PPP6C: variants seen among roughly 807,000 people sequenced by gnomAD.
PPP6C encodes serine/threonine-protein phosphatase 6 catalytic subunit.
Under a neutral mutation model 39.8 loss-of-function variants are expected in PPP6C, and 11 were observed. That is an observed-to-expected ratio of 0.28 (90% confidence interval 0.17 to 0.46). The LOEUF (loss-of-function observed/expected upper bound fraction) is 0.46. Among genes scored for constraint, PPP6C ranks in the 20% least tolerant of loss-of-function variants. PPP6C has a pLI of 1.00. For missense variants in PPP6C, 211 were observed against 373.9 expected, an observed-to-expected ratio of 0.56 and a Z score of 3.59; for synonymous variants, 129 against 130.3, an observed-to-expected ratio of 0.99 and a Z score of 0.07.
At chr9:125,173,404 CAAAA>C (rs1157793278) in intron 1 of PPP6C, among the ~76,000 whole-genome samples, 3 of 50,748 alleles carry the variant, frequency 5.9e-5, no homozygotes, top group Admixed American at 2.9e-4. Flanking sequence ...GACTCCCTCT[CAAAA>C]AAAAAAAAAA....
intron 1 of PPP6C, among the ~76,000 whole-genome samples, chr9:125,184,978 A>C (rs932296721): frequency 2.0e-5 from 3 of 151,620 alleles, no homozygotes; most frequent in African/African-American, 7.3e-5. Context: ...AAAAAAAAAA[A>C]AAAAAAAAAA....
intron 6 of PPP6C, among the ~76,000 whole-genome samples, chr9:125,152,939 C>G (rs1835987144): frequency 6.6e-6 from 1 of 150,650 alleles, no homozygotes; most frequent in African/African-American, 2.4e-5. Context: ...TATTGCCTAT[C>G]TTGGTCTTGC....
chr9:125,147,694 C>T lies in PPP6C; in HGVS notation c.*1979G>A, dbSNP rs566510978. On this transcript the variant is annotated 3_prime_UTR_variant, in exon 7 of 7. Coordinates refer to ENST00000373547, the MANE Select transcript of PPP6C (RefSeq NM_002721.5). ...AGTCACATTATAGGGATAACAAAAA[C>T]AACTACATCAATCTAAGCTAAGGAG... is the stretch of plus-strand genomic sequence containing the variant. 6.6e-6 allele frequency: 1 copy of T among 152,068 alleles called. No individual in the cohort carries two copies. Among genetic ancestry groups the T allele is most frequent in the Admixed American group, 6.5e-5 (1 of 15,292 alleles). 9.4% of individuals were successfully genotyped at this position (152,068 alleles called of 1,614,324 possible). A position where few individuals can be genotyped will look rare whatever the true frequency, so the allele number is the denominator to read the frequency against.
rs755053598 is a variant in PPP6C, at chr9:125,153,549, G to C, written c.653C>G (p.Ala218Gly). ...SPRGAGWLFGAKVTNEFVHIN... is the reference protein window; with the variant it reads ...SPRGAGWLFGGKVTNEFVHIN... ...TGGCTTTACCTCATTTGTGACCTTTGCTCCAAAAAGCCAACCTGCTCCTCG... is the reference window on the plus strand; with the variant it reads ...TGGCTTTACCTCATTTGTGACCTTTCCTCCAAAAAGCCAACCTGCTCCTCG... Residue 218 changes from alanine (A) to glycine (G), a missense_variant, in exon 6 of 7, where the codon GCA becomes GGA. By Grantham distance (60) the Ala-to-Gly change is moderately conservative. This residue lies in a region of PPP6C where 168 missense variants were observed against 342.6 expected (regional missense o/e 0.49). Transcript: ENST00000373547. 1.4e-5 allele frequency: 23 copies of C among 1,613,828 alleles called. No homozygotes were observed. Among genetic ancestry groups the C allele is most frequent in the Non-Finnish European group, 1.6e-5 (19 of 1,179,980 alleles).
intron 1 of PPP6C, among the ~76,000 whole-genome samples, chr9:125,177,761 C>T (rs1370352569): frequency 1.3e-5 from 2 of 152,146 alleles, no homozygotes; most frequent in Non-Finnish European, 2.9e-5. Flanking sequence ...TGTATAATGA[C>T]ATGTACCTAC....
At position 125,147,029 on chromosome 9, in the gene PPP6C, T is replaced by C. The variant is rs1298552909; in HGVS notation, c.*2644A>G. ...TTAAGACGTCAAAATCTTCCAACAG[T>C]TCTAGACATCCAGACAGAATAGGAG... On this transcript the variant is annotated 3_prime_UTR_variant, in exon 7 of 7. Coordinates refer to ENST00000373547, the MANE Select transcript of PPP6C (RefSeq NM_002721.5). The C allele has an allele frequency of 6.6e-6, 1 of 152,186 alleles. No individual in the cohort carries two copies. Among genetic ancestry groups the C allele is most frequent in the Non-Finnish European group, 1.5e-5 (1 of 68,018 alleles). The allele number at this position is 152,186 out of a possible 1,614,324, so 9.4% of individuals were successfully genotyped here.
At chr9:125,171,054 A>G in intron 2 of PPP6C, 31 bp downstream of exon 2, 3 of 1,467,336 alleles carry the variant, frequency 2.0e-6, no homozygotes, top group Non-Finnish European at 2.8e-6. Context: ...TGGACAGTAC[A>G]AAACTTAAAA....
At chr9:125,157,834 G>T (rs897060836) in intron 4 of PPP6C, among the ~76,000 whole-genome samples, 1 of 151,912 alleles carries the variant, frequency 6.6e-6, no homozygotes, top group Non-Finnish European at 1.5e-5. Flanking sequence ...GGGATTACAT[G>T]CACACACCAC....
At chr9:125,177,940 T>C (rs1337536262) in intron 1 of PPP6C, among the ~76,000 whole-genome samples, 1 of 152,206 alleles carries the variant, frequency 6.6e-6, no homozygotes, top group Non-Finnish European at 1.5e-5. Flanking sequence ...CATTTAGTAA[T>C]ATGTATTTAA....
intron 2 of PPP6C, among the ~76,000 whole-genome samples, chr9:125,166,525 TTTTC>T (rs1829016447): frequency 7.6e-6 from 1 of 132,130 alleles, no homozygotes; most frequent in African/African-American, 3.0e-5. Context: ...TCACAAGTAT[TTTTC>T]TTTTTCTTTT....
chr9:125,166,732 C>T (rs185080217), intron 2 of PPP6C, among the ~76,000 whole-genome samples: 38 of 151,992 alleles, frequency 2.5e-4, no homozygotes, highest in Middle Eastern at 3.4e-3. Context: ...TGGGGTTTTG[C>T]CATGTTGGCC....
At chr9:125,150,886 C>G in intron 6 of PPP6C, 1 of 851,894 alleles carries the variant, frequency 1.2e-6, no homozygotes, top group Non-Finnish European at 2.0e-6. Context: ...TGCAAGACTG[C>G]TTCAGCGAGC....
intron 2 of PPP6C, among the ~76,000 whole-genome samples, chr9:125,163,357 A>G (rs1403783032): frequency 6.6e-6 from 1 of 152,252 alleles, no homozygotes; most frequent in Non-Finnish European, 1.5e-5. Context: ...TTTGTAAGTC[A>G]GTTTTTTAAT....
At chr9:125,174,534 T>G (rs1829252713) in intron 1 of PPP6C, among the ~76,000 whole-genome samples, 1 of 151,610 alleles carries the variant, frequency 6.6e-6, no homozygotes, top group Non-Finnish European at 1.5e-5. Flanking sequence ...CTCCTGTTTG[T>G]GTTGAATTTT....
intron 2 of PPP6C, among the ~76,000 whole-genome samples, chr9:125,166,979 A>T (rs1829030634): frequency 6.6e-6 from 1 of 152,104 alleles, no homozygotes; most frequent in Non-Finnish European, 1.5e-5. Context: ...AGCTGACTAT[A>T]GCCTCAAACT....
chr9:125,188,700 C>T (rs1829585988), intron 1 of PPP6C, among the ~76,000 whole-genome samples: 1 of 151,804 alleles, frequency 6.6e-6, no homozygotes, highest in Non-Finnish European at 1.5e-5. Context: ...AGGAGAATCG[C>T]TTGAACCCGG....
At chr9:125,165,824 TCTCTCCC>T (rs1829001360) in intron 2 of PPP6C, among the ~76,000 whole-genome samples, 1 of 114,446 alleles carries the variant, frequency 8.7e-6, no homozygotes, top group Non-Finnish European at 1.8e-5. Flanking sequence ...GGAGACAGGA[TCTCTCCC>T]TGTTGTCCAG....
chr9:125,183,850 G>C (rs946223046), intron 1 of PPP6C, among the ~76,000 whole-genome samples: 5 of 152,156 alleles, frequency 3.3e-5, no homozygotes, highest in Middle Eastern at 3.4e-3. Flanking sequence ...TACAGTCTTT[G>C]TTTACCTCCT....
intron 1 of PPP6C, among the ~76,000 whole-genome samples, chr9:125,179,215 C>CA (rs150040909): frequency 2.0e-4 from 26 of 127,436 alleles, no homozygotes; most frequent in South Asian, 7.7e-4. Flanking sequence ...AACTCCATCT[C>CA]AAAAAAAAAA....
Sources: allele counts gnomAD v4.1 joint callset (sites outside exome capture counted in the v4.1 genomes callset), GRCh38; gene constraint gnomAD v4.1.1; regional missense constraint gnomAD v4.1.1; transcripts MANE v1.5; gene names NCBI Gene and HGNC (gene_info 2026-07-23, HGNC 2026-07-21).